MYO3B: variants seen among roughly 807,000 people sequenced by gnomAD.
MYO3B encodes the protein myosin IIIB.
Under a neutral mutation model 174.6 loss-of-function variants are expected in MYO3B, and 156 were observed. The ratio of observed to expected loss-of-function variants is 0.89; its 90% confidence interval spans 0.78 to 1.02. The LOEUF is 1.02. Ranked by LOEUF, MYO3B falls within the 50% of genes least tolerant of loss-of-function variation. MYO3B has a pLI of 0.00. For missense variants in MYO3B, 1,632 were observed against 1,639.4 expected, an observed-to-expected ratio of 1.00 and a Z score of 0.08; for synonymous variants, 563 against 569.1, an observed-to-expected ratio of 0.99 and a Z score of 0.15.
At chr2:170,370,254 A>T (rs1260002626) in intron 9 of MYO3B, among the ~76,000 whole-genome samples, 1 of 152,230 alleles carries the variant, frequency 6.6e-6, no homozygotes, top group Non-Finnish European at 1.5e-5. Context: ...ATAAAATATC[A>T]TAAGTTACAA....
intron 1 of MYO3B, among the ~76,000 whole-genome samples, chr2:170,180,753 G>GAAAAATGT (rs1190751888): frequency 4.6e-5 from 7 of 151,896 alleles, no homozygotes; most frequent in African/African-American, 1.7e-4. Context: ...TAGCCTTCTG[G>GAAAAATGT]AAAAATGTAT....
intron 7 of MYO3B, among the ~76,000 whole-genome samples, chr2:170,299,131 T>C (rs985478892): frequency 6.6e-6 from 1 of 152,218 alleles, no homozygotes; most frequent in Non-Finnish European, 1.5e-5. Context: ...ATATTTCTTA[T>C]GCTTTGGAAC....
At chr2:170,285,207 G>A (rs1204014970) in intron 7 of MYO3B, among the ~76,000 whole-genome samples, 1 of 152,122 alleles carries the variant, frequency 6.6e-6, no homozygotes, top group South Asian at 2.1e-4. Context: ...TTCTCTGGAG[G>A]ACATTTCCAG....
intron 22 of MYO3B, among the ~76,000 whole-genome samples, chr2:170,441,079 C>T (rs2094797659): frequency 6.6e-6 from 1 of 152,170 alleles, no homozygotes; most frequent in Non-Finnish European, 1.5e-5. Context: ...GGATTACAGG[C>T]GTGAGCCACC....
At chr2:170,513,327 G>A (rs1187302481) in intron 28 of MYO3B, among the ~76,000 whole-genome samples, 3 of 152,186 alleles carry the variant, frequency 2.0e-5, no homozygotes, top group South Asian at 2.1e-4. Context: ...GGTTTCTACT[G>A]GAGGTTCTGA....
At chr2:170,386,103 G>A (rs939888263) in intron 12 of MYO3B, 86 bp from the exon 13 acceptor site, 5 of 1,037,904 alleles carry the variant, frequency 4.8e-6, no homozygotes, top group Admixed American at 2.1e-5. Flanking sequence ...GAAAAATTAA[G>A]GTGTACAGTA....
At chr2:170,305,724 G>A (rs937731327) in intron 7 of MYO3B, among the ~76,000 whole-genome samples, 1 of 151,826 alleles carries the variant, frequency 6.6e-6, no homozygotes, top group Non-Finnish European at 1.5e-5. Flanking sequence ...GGGCCAGTTG[G>A]GACCATTAAC....
chr2:170,615,827 G>A (rs941788024), intron 32 of MYO3B, among the ~76,000 whole-genome samples: 27 of 152,188 alleles, frequency 1.8e-4, no homozygotes, highest in African/African-American at 2.7e-4. Context: ...GGATATACCA[G>A]CGTTTATTAT....
chr2:170,609,778 G>T (rs1695026504), intron 32 of MYO3B, among the ~76,000 whole-genome samples: 1 of 152,204 alleles, frequency 6.6e-6, no homozygotes, highest in Admixed American at 6.5e-5. Flanking sequence ...ACAAAGGGCT[G>T]TTCCTCTTCC....
At chr2:170,372,438 C>T (rs1374162356) in intron 9 of MYO3B, among the ~76,000 whole-genome samples, 1 of 152,124 alleles carries the variant, frequency 6.6e-6, no homozygotes, top group African/African-American at 2.4e-5. Context: ...ACTTACTGTA[C>T]AAGATCATGA....
intron 25 of MYO3B, among the ~76,000 whole-genome samples, chr2:170,474,599 C>T (rs1267568293): frequency 6.6e-6 from 1 of 150,918 alleles, no homozygotes; most frequent in Non-Finnish European, 1.5e-5. Context: ...AATAATAAGC[C>T]AGGCGTGGTG....
intron 22 of MYO3B, among the ~76,000 whole-genome samples, chr2:170,415,244 A>G (rs1471792567): frequency 6.6e-6 from 1 of 152,162 alleles, no homozygotes; most frequent in African/African-American, 2.4e-5. Context: ...ACTGTTCCCT[A>G]TATCTGGAAC....
intron 5 of MYO3B, among the ~76,000 whole-genome samples, chr2:170,216,700 T>C (rs1296664505): frequency 6.6e-6 from 1 of 152,242 alleles, no homozygotes; most frequent in Admixed American, 6.5e-5. Flanking sequence ...AATCTTTTTA[T>C]GTCTACACTG....
intron 27 of MYO3B, among the ~76,000 whole-genome samples, chr2:170,500,559 C>G (rs1257256422): frequency 6.6e-6 from 1 of 152,184 alleles, no homozygotes; most frequent in African/African-American, 2.4e-5. Flanking sequence ...GTCAAAGCAG[C>G]ATATTTTGGA....
chr2:170,557,136 A>ATTT (rs1449970557), intron 32 of MYO3B, among the ~76,000 whole-genome samples: 1 of 63,738 alleles, frequency 1.6e-5, no homozygotes. Context: ...AGGGTTTTTT[A>ATTT]TTTTTATTTT....
At chr2:170,440,752 G>GA (rs1017492732) in intron 22 of MYO3B, among the ~76,000 whole-genome samples, 4 of 145,922 alleles carry the variant, frequency 2.7e-5, no homozygotes, top group African/African-American at 5.0e-5. Flanking sequence ...GACTCTGTCT[G>GA]AAAAAACAAC....
At chr2:170,499,925 C>CCCTCCCTCCCTTCCTTCCTT in intron 27 of MYO3B, 117 bp downstream of exon 27, 2 of 739,816 alleles carry the variant, frequency 2.7e-6, no homozygotes, top group Non-Finnish European at 4.3e-6. Context: ...CTTCTCCCCT[C>CCCTCCCTCCCTTCCTTCCTT]CCTCCCTCCC....
intron 1 of MYO3B, among the ~76,000 whole-genome samples, chr2:170,187,382 G>A (rs1035239051): frequency 6.6e-6 from 1 of 151,976 alleles, no homozygotes; most frequent in Non-Finnish European, 1.5e-5. Context: ...ACAGGTGTGT[G>A]CCAGCATACC....
chr2:170,628,005 A>C (rs1306629187), intron 32 of MYO3B, among the ~76,000 whole-genome samples: 9 of 152,098 alleles, frequency 5.9e-5, no homozygotes, highest in Admixed American at 5.9e-4. Flanking sequence ...TCAGGGACCC[A>C]CTTGAGGCAG....
Sources: allele counts gnomAD v4.1 joint callset (sites outside exome capture counted in the v4.1 genomes callset), GRCh38; gene constraint gnomAD v4.1.1; transcripts MANE v1.5; gene names NCBI Gene and HGNC (gene_info 2026-07-23, HGNC 2026-07-21).